Variants in SDK1 observed in about 807,000 individuals in gnomAD.
SDK1 encodes the protein sidekick cell adhesion molecule 1.
SDK1 carries 157 observed loss-of-function variants against 245.5 expected under a neutral mutation model. The observed-to-expected ratio is 0.64, with a 90% confidence interval of 0.56 to 0.73. The LOEUF (loss-of-function observed/expected upper bound fraction) is 0.73, where lower values mean the gene tolerates loss of function less well. SDK1 is among the 30% of genes least tolerant of loss of function. The pLI, the probability that SDK1 is intolerant of heterozygous loss-of-function variation, is 0.00. For synonymous variants in SDK1, 1,647 were observed against 1,278.5 expected (o/e 1.29, Z -6.15); for missense variants, 3,583 against 3,002.3 (o/e 1.19, Z -4.52).
chr7:3,605,911 A>T (rs534563395), intron 1 of SDK1, among the ~76,000 whole-genome samples: 5 of 151,812 alleles, frequency 3.3e-5, no homozygotes, highest in African/African-American at 4.8e-5. Flanking sequence ...TTAATTGATG[A>T]TTTTTTAAGA....
At chr7:3,376,198 G>C (rs866476297) in intron 1 of SDK1, among the ~76,000 whole-genome samples, 19 of 151,840 alleles carry the variant, frequency 1.3e-4, no homozygotes, top group African/African-American at 4.6e-4. Flanking sequence ...CCCTGCCTTG[G>C]GGGAAAAAAA....
chr7:3,636,390 G>T (rs901916194), intron 2 of SDK1, among the ~76,000 whole-genome samples: 4 of 151,942 alleles, frequency 2.6e-5, no homozygotes, highest in African/African-American at 9.7e-5. Context: ...ACCCACTAGT[G>T]GCCACCATTT....
At position 3,631,537 on chromosome 7, in the gene SDK1, G is replaced by C. The variant is rs114535092; in HGVS notation, c.459-7467G>C. ...GCTTTCAACAGCAAGGACAGCAGGT[G>C]CTATCTTATTTAATTTAGATCCATA... On this transcript the variant is annotated intron_variant, in intron 2 of 44. Coordinates refer to ENST00000404826, the MANE Select transcript of SDK1 (RefSeq NM_152744.4). Among the ~76,000 whole-genome samples, 626 of 152,294 alleles carry C rather than the reference G, an allele frequency of 4.1e-3. 7 individuals carry two copies. Among genetic ancestry groups the C allele is most frequent in the African/African-American group, 0.014 (600 of 41,570 alleles).
In SDK1 at chr7:4,254,962, G is replaced by T. The variant is rs557235218; in HGVS notation, c.6381+9157G>T. Among the ~76,000 whole-genome samples, 150 of 152,302 alleles carry T rather than the reference G, an allele frequency of 9.8e-4. 1 individual carries two copies. Among genetic ancestry groups the T allele is most frequent in the African/African-American group, 3.5e-3 (147 of 41,544 alleles). On this transcript the variant is annotated intron_variant, in intron 44 of 44. Transcript: ENST00000404826. ...TTTACCATGATTGGCGTCATACCCAGCAGTTAACCTCCACTACGTGCTAGC... is the reference window on the plus strand; with the variant it reads ...TTTACCATGATTGGCGTCATACCCATCAGTTAACCTCCACTACGTGCTAGC...
chr7:3,792,148 CA>C (rs200465338), intron 4 of SDK1, among the ~76,000 whole-genome samples: 2 of 151,680 alleles, frequency 1.3e-5, no homozygotes, highest in Admixed American at 6.6e-5. Context: ...AACAAAATAA[CA>C]AAAAAAACCC....
At chr7:3,851,407 T>A (rs565346954) in intron 5 of SDK1, among the ~76,000 whole-genome samples, 2 of 152,372 alleles carry the variant, frequency 1.3e-5, no homozygotes, top group East Asian at 3.8e-4. Context: ...AAATCTCAGT[T>A]AAAACTAATT....
chr7:3,414,659 G>A (rs565646234), intron 1 of SDK1, among the ~76,000 whole-genome samples: 1 of 152,238 alleles, frequency 6.6e-6, no homozygotes, highest in East Asian at 1.9e-4. Flanking sequence ...TAATCGTAAG[G>A]TTGTTCAACC....
At chr7:3,624,019 A>G (rs1782030547) in intron 2 of SDK1, among the ~76,000 whole-genome samples, 1 of 152,180 alleles carries the variant, frequency 6.6e-6, no homozygotes, top group African/African-American at 2.4e-5. Flanking sequence ...AAAAATTATG[A>G]AATACCTGGG....
intron 1 of SDK1, among the ~76,000 whole-genome samples, chr7:3,541,286 G>A (rs894063193): frequency 6.6e-6 from 1 of 152,180 alleles, no homozygotes; most frequent in African/African-American, 2.4e-5. Context: ...GTCTAGTAGA[G>A]CAAAACCCTT....
At chr7:4,126,682 TG>T (rs1170822426) in intron 25 of SDK1, among the ~76,000 whole-genome samples, 1 of 152,238 alleles carries the variant, frequency 6.6e-6, no homozygotes, top group Non-Finnish European at 1.5e-5. Flanking sequence ...ATCGCACCAC[TG>T]CTCTCCAGTC....
chr7:3,846,498 C>T (rs1343469678), intron 5 of SDK1, among the ~76,000 whole-genome samples: 1 of 152,136 alleles, frequency 6.6e-6, no homozygotes, highest in African/African-American at 2.4e-5. Flanking sequence ...ACTGCCTTCC[C>T]CAAGGCCCTG....
intron 1 of SDK1, among the ~76,000 whole-genome samples, chr7:3,432,570 T>C (rs886523476): frequency 4.0e-5 from 6 of 150,980 alleles, no homozygotes; most frequent in African/African-American, 1.5e-4. Flanking sequence ...AAAAGATTAC[T>C]ACCGAAGGGA....
intron 4 of SDK1, among the ~76,000 whole-genome samples, chr7:3,811,737 G>C (rs558286822): frequency 1.1e-4 from 17 of 152,288 alleles, no homozygotes; most frequent in African/African-American, 4.1e-4. Context: ...CCAGAGCTCC[G>C]GTGGAAGGCA....
At chr7:4,160,908 C>T (rs1276556552) in intron 31 of SDK1, among the ~76,000 whole-genome samples, 1 of 152,158 alleles carries the variant, frequency 6.6e-6, no homozygotes, top group Non-Finnish European at 1.5e-5. Context: ...GAGCCGGTGA[C>T]CCCGGGACCC....
chr7:4,114,381 CT>C (rs753631493), intron 25 of SDK1, 107 bp downstream of exon 25: 46 of 848,440 alleles, frequency 5.4e-5, no homozygotes, highest in Non-Finnish European at 7.6e-5. Context: ...GCCTGTCCCA[CT>C]TGTGTCTGTC....
intron 4 of SDK1, among the ~76,000 whole-genome samples, chr7:3,800,036 G>A (rs953577024): frequency 2.6e-4 from 39 of 152,256 alleles, no homozygotes; most frequent in Admixed American, 7.2e-4. Flanking sequence ...TTCAAGTATA[G>A]GTGATTTTAT....
At chr7:3,929,716 C>G (rs1205310174) in intron 5 of SDK1, among the ~76,000 whole-genome samples, 2 of 152,090 alleles carry the variant, frequency 1.3e-5, no homozygotes, top group African/African-American at 2.4e-5. Flanking sequence ...TGATCCAGCC[C>G]TTGAAGGATG....
At chr7:3,394,080 T>C (rs978218182) in intron 1 of SDK1, among the ~76,000 whole-genome samples, 2 of 151,868 alleles carry the variant, frequency 1.3e-5, no homozygotes, top group East Asian at 3.9e-4. Context: ...CAGACTTCTA[T>C]AGGTACTGTC....
At chr7:3,601,741 T>C (rs1489706575) in intron 1 of SDK1, among the ~76,000 whole-genome samples, 2 of 151,986 alleles carry the variant, frequency 1.3e-5, no homozygotes, top group Non-Finnish European at 2.9e-5. Context: ...GTTTGTTACA[T>C]ATGTATACAT....
Sources: gnomAD v4.1 joint callset for allele counts (sites outside exome capture counted in the v4.1 genomes callset) on GRCh38, gnomAD v4.1.1 for gene constraint, MANE v1.5 for transcripts, NCBI Gene and HGNC (gene_info 2026-07-23, HGNC 2026-07-21) for gene names.